NEXMIF: variants seen among roughly 807,000 people sequenced by gnomAD.
NEXMIF encodes neurite extension and migration factor, also known as XLMR protein related to neurite extension.
Under a neutral mutation model 62.1 loss-of-function variants are expected in NEXMIF, and 8 were observed. The observed-to-expected ratio is 0.13, with a 90% CI of 0.08 to 0.23. The LOEUF (loss-of-function observed/expected upper bound fraction) is 0.23. Ranked by LOEUF, NEXMIF falls within the 10% of genes least tolerant of loss-of-function variation. The pLI is 1.00. For missense variants in NEXMIF, 976 were observed against 1,113.3 expected (o/e 0.88, Z 1.75); for synonymous variants, 404 against 416.6 (o/e 0.97, Z 0.37).
intron 1 of NEXMIF, among the ~76,000 whole-genome samples, chrX:74,771,039 A>T (rs1337805910): frequency 8.9e-6 from 1 of 112,088 alleles, no homozygotes; most frequent in Non-Finnish European, 1.9e-5. Flanking sequence ...ATCGTCCCAC[A>T]CATCTGCATA....
chrX:74,883,737 G>T (rs1459695238), intron 1 of NEXMIF, among the ~76,000 whole-genome samples: 1 of 112,003 alleles, frequency 8.9e-6, no homozygotes, highest in Non-Finnish European at 1.9e-5. Flanking sequence ...ATATTCTCCA[G>T]GAGAACTTCC....
intron 1 of NEXMIF, among the ~76,000 whole-genome samples, chrX:74,915,827 A>G (rs2080804681): frequency 9.0e-6 from 1 of 111,529 alleles, no homozygotes; most frequent in African/African-American, 3.3e-5. Context: ...CCAGAAAAGC[A>G]AGAAAATGGA....
intron 1 of NEXMIF, among the ~76,000 whole-genome samples, chrX:74,845,148 G>A (rs1054743546): frequency 2.7e-4 from 30 of 111,398 alleles, no homozygotes; most frequent in African/African-American, 9.5e-4. Context: ...TATCTACTAG[G>A]TGCATGACTC....
At chrX:74,761,210 A>T (rs960083633) in intron 1 of NEXMIF, among the ~76,000 whole-genome samples, 1 of 111,009 alleles carries the variant, frequency 9.0e-6, no homozygotes, top group Non-Finnish European at 1.9e-5. Context: ...AGGCTTTTGA[A>T]TCAGGATGAT....
intron 1 of NEXMIF, among the ~76,000 whole-genome samples, chrX:74,913,967 AAAC>A (rs1298604367): frequency 1.8e-5 from 2 of 112,522 alleles, no homozygotes; most frequent in Non-Finnish European, 3.8e-5. Context: ...CCTCAGAAAG[AAAC>A]AACAACAGAA....
chrX:74,811,092 G>A (rs2080359068), intron 1 of NEXMIF, among the ~76,000 whole-genome samples: 1 of 111,693 alleles, frequency 9.0e-6, no homozygotes, highest in Non-Finnish European at 1.9e-5. Flanking sequence ...GAAAGAAGGG[G>A]CAACATAGCT....
chrX:74,806,710 A>C (rs1378729086), intron 1 of NEXMIF, among the ~76,000 whole-genome samples: 1 of 112,747 alleles, frequency 8.9e-6, no homozygotes, highest in Non-Finnish European at 1.9e-5. Flanking sequence ...TTTTATATTT[A>C]GGTCTATGAT....
chrX:74,744,722 T>A (rs1435172240), intron 2 of NEXMIF, among the ~76,000 whole-genome samples: 2 of 111,404 alleles, frequency 1.8e-5, no homozygotes, highest in Admixed American at 9.5e-5. Flanking sequence ...AAGGCAAAGC[T>A]CTCCTCAGAA....
intron 1 of NEXMIF, among the ~76,000 whole-genome samples, chrX:74,877,435 AT>A (rs1216254605): frequency 2.7e-5 from 3 of 110,592 alleles, no homozygotes; most frequent in Non-Finnish European, 5.7e-5. Flanking sequence ...TTTTTCCTTA[AT>A]TTCAACTTTG....
intron 1 of NEXMIF, among the ~76,000 whole-genome samples, chrX:74,847,135 C>A (rs1051945034): frequency 8.9e-6 from 1 of 112,051 alleles, no homozygotes; most frequent in African/African-American, 3.2e-5. Context: ...AAGCCTCCTA[C>A]ATATTTGGCT....
chrX:74,768,487 C>T (rs767488458), intron 1 of NEXMIF, among the ~76,000 whole-genome samples: 12 of 112,312 alleles, frequency 1.1e-4, no homozygotes, highest in South Asian at 3.7e-4. Context: ...GTCTTCAGAT[C>T]CTTAAAGAGC....
intron 1 of NEXMIF, among the ~76,000 whole-genome samples, chrX:74,797,967 C>A (rs1411152096): frequency 1.8e-5 from 2 of 112,088 alleles, no homozygotes; most frequent in Non-Finnish European, 3.8e-5. Flanking sequence ...ACGTGAAAGC[C>A]AATCTAAAGG....
chrX:74,803,662 C>T (rs1417520518), intron 1 of NEXMIF, among the ~76,000 whole-genome samples: 1 of 110,393 alleles, frequency 9.1e-6, no homozygotes, highest in South Asian at 3.8e-4. Context: ...AGAAAAGAAA[C>T]AAACAATATA....
At chrX:74,783,758 C>G (rs917443627) in intron 1 of NEXMIF, among the ~76,000 whole-genome samples, 9 of 111,741 alleles carry the variant, frequency 8.1e-5, no homozygotes, top group African/African-American at 2.9e-4. Flanking sequence ...AGCTAAAATG[C>G]TATTAACAAA....
intron 1 of NEXMIF, among the ~76,000 whole-genome samples, chrX:74,796,134 A>ATATATATATTATATATATACATATATAT (rs1359975739): frequency 3.4e-4 from 25 of 73,083 alleles, no homozygotes; most frequent in African/African-American, 1.1e-3. Flanking sequence ...TTTATATATA[A>ATATATATATTATATATATACATATATAT]TATATATATT....
At chrX:74,905,072 A>G (rs2080762872) in intron 1 of NEXMIF, among the ~76,000 whole-genome samples, 1 of 111,834 alleles carries the variant, frequency 8.9e-6, no homozygotes, top group South Asian at 3.8e-4. Context: ...TTATCATAAA[A>G]ATATGAAAAA....
At chrX:74,891,666 C>A (rs1420626304) in intron 1 of NEXMIF, among the ~76,000 whole-genome samples, 1 of 111,665 alleles carries the variant, frequency 9.0e-6, no homozygotes, top group Non-Finnish European at 1.9e-5. Context: ...GGGGGTGGTT[C>A]AGAAAAAACC....
chrX:74,866,816 C>T (rs975828002), intron 1 of NEXMIF, among the ~76,000 whole-genome samples: 6 of 112,739 alleles, frequency 5.3e-5, no homozygotes, highest in East Asian at 5.6e-4. Context: ...CTTCACCTTC[C>T]GCCATGATTG....
intron 1 of NEXMIF, among the ~76,000 whole-genome samples, chrX:74,837,697 A>G (rs1362831151): frequency 8.9e-6 from 1 of 112,154 alleles, no homozygotes; most frequent in African/African-American, 3.2e-5. Context: ...GAAGAGCTGA[A>G]GAGAAGAGAC....
Sources: allele counts gnomAD v4.1 joint callset (sites outside exome capture counted in the v4.1 genomes callset), GRCh38; gene constraint gnomAD v4.1.1; transcripts MANE v1.5; gene names NCBI Gene and HGNC (gene_info 2026-07-23, HGNC 2026-07-21).